Variants in RBMS3 observed in about 807,000 individuals in gnomAD.
RBMS3 encodes RNA binding motif single stranded interacting protein 3.
RBMS3 carries 27 observed loss-of-function variants against 66.8 expected under a neutral mutation model. That is an observed-to-expected ratio of 0.40 (90% CI 0.30 to 0.56). The LOEUF (loss-of-function observed/expected upper bound fraction) is 0.56, where lower values mean the gene tolerates loss of function less well. Ranked by LOEUF, RBMS3 falls within the 20% of genes least tolerant of loss-of-function variation. The pLI, the probability that RBMS3 is intolerant of heterozygous loss-of-function variation, is 0.40. For missense variants in RBMS3, 513 were observed against 549.5 expected, an observed-to-expected ratio of 0.93 and a Z score of 0.66; for synonymous variants, 188 against 183.0, an observed-to-expected ratio of 1.03 and a Z score of -0.22.
In RBMS3 at chr3:29,949,233, G is replaced by A. The variant is rs796530825; in HGVS notation, c.1098+4979G>A. ...TGTTTTGTTTTCAGAGGATGGGATA[G>A]GTGGGTGTAAAATTCTATGCCTCAT... is the stretch of plus-strand genomic sequence containing the variant. On this transcript the variant is annotated intron_variant, in intron 12 of 14. Transcript: ENST00000383767. Among the ~76,000 whole-genome samples, 4 of 151,402 alleles carry A rather than the reference G, an allele frequency of 2.6e-5. 1 individual carries two copies. The highest frequency in any genetic ancestry group is 9.7e-5 in the African/African-American group (4 of 41,318).
chr3:29,881,697 T>G (rs891198299), intron 7 of RBMS3, among the ~76,000 whole-genome samples: 1 of 152,282 alleles, frequency 6.6e-6, no homozygotes, highest in African/African-American at 2.4e-5. Flanking sequence ...TATTGATAAT[T>G]ACTGTATTCC....
At chr3:29,616,800 A>G (rs1576367719) in intron 4 of RBMS3, 1 of 152,208 alleles carries the variant, frequency 6.6e-6, no homozygotes, top group South Asian at 2.1e-4. Flanking sequence ...ATAATCGTCC[A>G]GCTTTATTTA....
intron 2 of RBMS3, among the ~76,000 whole-genome samples, chr3:29,455,974 C>T (rs1207248551): frequency 1.3e-5 from 2 of 152,116 alleles, no homozygotes; most frequent in African/African-American, 2.4e-5. Flanking sequence ...CTGTACATGT[C>T]GTCAAGTGAC....
At chr3:29,819,196 G>A (rs571967793) in intron 6 of RBMS3, among the ~76,000 whole-genome samples, 399 of 152,292 alleles carry the variant, frequency 2.6e-3, no homozygotes, top group African/African-American at 9.1e-3. Flanking sequence ...CTTGCAGGTT[G>A]TTATTTCATT....
Position 29,936,105 on chromosome 3 carries a change from C to A in RBMS3, c.959C>A (p.Thr320Asn). The stretch of plus-strand genomic sequence containing the variant: ...TTGTAGGGTGCTGTGATTACACCAA[C>A]CATGGACCATCCCATGTCAATGCAG... ...MQPTGAVITP[T>N]MDHPMSMQPA... The change falls in exon 11 of 15, where the codon ACC becomes AAC. Residue 320 changes from threonine to asparagine, a missense_variant. Thr to Asn is a moderately conservative substitution (Grantham distance 65). Transcript: ENST00000383767. 1 of 1,613,132 alleles carries A rather than the reference C, an allele frequency of 6.2e-7. No homozygotes were observed. The highest frequency in any genetic ancestry group is 8.5e-7 in the Non-Finnish European group (1 of 1,179,446).
chr3:29,543,052 A>G (rs2045824084), intron 3 of RBMS3, among the ~76,000 whole-genome samples: 1 of 152,198 alleles, frequency 6.6e-6, no homozygotes, highest in Non-Finnish European at 1.5e-5. Flanking sequence ...AATGAGAGAG[A>G]CTTTCTAGAA....
intron 6 of RBMS3, among the ~76,000 whole-genome samples, chr3:29,800,586 A>T (rs901254495): frequency 6.6e-6 from 1 of 152,196 alleles, no homozygotes; most frequent in Non-Finnish European, 1.5e-5. Context: ...AAGGTTATGT[A>T]CAAGAACTAT....
At chr3:29,379,036 C>T (rs1419044199) in intron 1 of RBMS3, among the ~76,000 whole-genome samples, 1 of 152,126 alleles carries the variant, frequency 6.6e-6, no homozygotes, top group Non-Finnish European at 1.5e-5. Context: ...CCTTTGAGGT[C>T]AATCTCTGGA....
At chr3:29,792,451 C>G (rs1310391939) in intron 6 of RBMS3, among the ~76,000 whole-genome samples, 1 of 152,128 alleles carries the variant, frequency 6.6e-6, no homozygotes, top group African/African-American at 2.4e-5. Context: ...ATTTTCTAGC[C>G]TTGTCATCTA....
chr3:29,996,033 C>T (rs1699205669), intron 14 of RBMS3, among the ~76,000 whole-genome samples: 3 of 152,114 alleles, frequency 2.0e-5, no homozygotes, highest in African/African-American at 4.8e-5. Context: ...ATCTCACTTG[C>T]AGAGACACAC....
intron 2 of RBMS3, among the ~76,000 whole-genome samples, chr3:29,454,292 T>G (rs2042109445): frequency 6.6e-6 from 1 of 152,158 alleles, no homozygotes; most frequent in Non-Finnish European, 1.5e-5. Flanking sequence ...CACTCATCCC[T>G]CTTCTTTTGT....
chr3:29,933,984 T>C (rs886307783), intron 10 of RBMS3: 4 of 152,068 alleles, frequency 2.6e-5, no homozygotes, highest in African/African-American at 4.8e-5. Context: ...GATTGTTCTG[T>C]CACATGCTCA....
chr3:29,629,909 G>A (rs777798308), intron 4 of RBMS3, among the ~76,000 whole-genome samples: 8 of 152,022 alleles, frequency 5.3e-5, no homozygotes, highest in Non-Finnish European at 7.4e-5. Flanking sequence ...AAGGATTAGC[G>A]TTATCATTAC....
At chr3:29,553,721 C>T (rs1005002313) in intron 3 of RBMS3, among the ~76,000 whole-genome samples, 9 of 150,800 alleles carry the variant, frequency 6.0e-5, no homozygotes, top group Admixed American at 2.0e-4. Context: ...ATGAATGTCT[C>T]GATTTGTTTT....
intron 7 of RBMS3, among the ~76,000 whole-genome samples, chr3:29,883,832 T>C (rs1047354490): frequency 6.6e-6 from 1 of 152,056 alleles, no homozygotes; most frequent in East Asian, 1.9e-4. Flanking sequence ...TGCCATGAGA[T>C]GTACAATAGG....
Position 29,917,130 on chromosome 3 carries a change from T to C in RBMS3, c.939+17375T>C, listed in dbSNP as rs1559797784. On this transcript the variant is annotated intron_variant, in intron 10 of 14. Transcript: ENST00000383767. ...ACTGCCATTCTATATTCAGTTAGAATACAAAACCAAACCAAAAAAAGATCC... is the reference window on the plus strand; with the variant it reads ...ACTGCCATTCTATATTCAGTTAGAACACAAAACCAAACCAAAAAAAGATCC... Among the ~76,000 whole-genome samples the C allele has an allele frequency of 2.0e-5, 3 of 152,002 alleles. No individual in the cohort carries two copies. The South Asian group carries it at 6.2e-4, about 31-fold the overall frequency.
chr3:29,754,599 G>A (rs1307879895), intron 5 of RBMS3, among the ~76,000 whole-genome samples: 1 of 152,104 alleles, frequency 6.6e-6, no homozygotes, highest in Admixed American at 6.5e-5. Context: ...TCTGTTTCAG[G>A]TCCCACCTGA....
At chr3:29,687,844 T>C (rs2051799777) in intron 4 of RBMS3, among the ~76,000 whole-genome samples, 1 of 152,174 alleles carries the variant, frequency 6.6e-6, no homozygotes, top group Non-Finnish European at 1.5e-5. Context: ...CTATTAGTTG[T>C]AGCAACTAGC....
chr3:29,955,319 C>T (rs971078603), intron 12 of RBMS3, among the ~76,000 whole-genome samples: 1 of 151,970 alleles, frequency 6.6e-6, no homozygotes, highest in Non-Finnish European at 1.5e-5. Flanking sequence ...CCGATTTCAG[C>T]TGATAGTTTA....
Sources: allele counts gnomAD v4.1 joint callset (sites outside exome capture counted in the v4.1 genomes callset), GRCh38; gene constraint gnomAD v4.1.1; transcripts MANE v1.5; gene names NCBI Gene and HGNC (gene_info 2026-07-23, HGNC 2026-07-21).